Variants in CAMKMT observed in about 807,000 individuals in gnomAD.
The protein encoded by CAMKMT is CaM KMT.
CAMKMT carries 53 observed loss-of-function variants against 48.0 expected under a neutral mutation model. That is an observed-to-expected ratio of 1.10 (90% CI 0.89 to 1.39). The LOEUF is 1.39. Among genes scored for constraint, CAMKMT ranks in the 40% most tolerant of loss-of-function variants. The probability of loss-of-function intolerance (pLI) is 0.00; values close to 1 mark genes in which losing one functional copy is unlikely to be tolerated. For missense variants in CAMKMT, 428 were observed against 402.7 expected, an observed-to-expected ratio of 1.06 and a Z score of -0.54; for synonymous variants, 165 against 152.3, an observed-to-expected ratio of 1.08 and a Z score of -0.61.
At chr2:44,401,390 C>G (rs1067327) in intron 3 of CAMKMT, among the ~76,000 whole-genome samples, 86,422 of 151,654 alleles carry the variant, frequency 0.57, 25,734 homozygotes, top group Middle Eastern at 0.68. Context: ...AACTCCATCT[C>G]TACTAAAAAC....
chr2:44,644,374 A>G (rs1242561935), intron 3 of CAMKMT, among the ~76,000 whole-genome samples: 4 of 152,224 alleles, frequency 2.6e-5, no homozygotes, highest in Non-Finnish European at 1.5e-5. Context: ...ATCAACTTAT[A>G]GATGTTACTC....
rs112831452 is a variant in CAMKMT at position 44,651,913 on chromosome 2, C to T, written c.377-52370C>T. ...GCTCACAGTAGTATTGTAAATCACA[C>T]CAGATGTTTTTCTGTCATAGAAAAG... On this transcript the variant is annotated intron_variant, in intron 3 of 10. Coordinates refer to ENST00000378494, the MANE Select transcript of CAMKMT (RefSeq NM_024766.5). Among the ~76,000 whole-genome samples the T allele has an allele frequency of 2.0e-3, 309 of 152,266 alleles. 1 individual carries two copies. The Middle Eastern group carries it at 0.024, about 12-fold the overall frequency.
At chr2:44,563,540 T>G (rs1022145294) in intron 3 of CAMKMT, among the ~76,000 whole-genome samples, 3 of 146,888 alleles carry the variant, frequency 2.0e-5, no homozygotes, top group African/African-American at 7.3e-5. Flanking sequence ...TTGTTACATA[T>G]GTATACATGT....
chr2:44,474,681 A>G (rs888273790), intron 3 of CAMKMT, among the ~76,000 whole-genome samples: 1 of 152,164 alleles, frequency 6.6e-6, no homozygotes, highest in African/African-American at 2.4e-5. Flanking sequence ...AAATTCAGCA[A>G]ACAACTGTGT....
At chr2:44,593,120 G>A (rs181289820) in intron 3 of CAMKMT, among the ~76,000 whole-genome samples, 2 of 152,296 alleles carry the variant, frequency 1.3e-5, no homozygotes, top group Non-Finnish European at 2.9e-5. Context: ...TTTAAGATTT[G>A]TTAGGTGGGA....
At chr2:44,521,268 G>A (rs1159468393) in intron 3 of CAMKMT, among the ~76,000 whole-genome samples, 1 of 151,972 alleles carries the variant, frequency 6.6e-6, no homozygotes, top group Non-Finnish European at 1.5e-5. Flanking sequence ...TTATGTTGTA[G>A]GCACTATTAT....
intron 3 of CAMKMT, among the ~76,000 whole-genome samples, chr2:44,669,656 C>T (rs888709175): frequency 6.6e-6 from 1 of 151,236 alleles, no homozygotes; most frequent in Non-Finnish European, 1.5e-5. Flanking sequence ...TCTTTTTCTT[C>T]AGACAGGGTC....
intron 3 of CAMKMT, among the ~76,000 whole-genome samples, chr2:44,561,937 G>A (rs755059217): frequency 1.3e-5 from 2 of 152,208 alleles, no homozygotes; most frequent in Non-Finnish European, 2.9e-5. Flanking sequence ...CATGGACAGG[G>A]CTGGAGAATA....
chr2:44,675,376 C>G (rs929191624), intron 3 of CAMKMT, among the ~76,000 whole-genome samples: 2 of 152,082 alleles, frequency 1.3e-5, no homozygotes, highest in African/African-American at 4.8e-5. Context: ...TTGACCTGCC[C>G]CTTTGGTAGA....
chr2:44,373,002 C>A (rs1048301364), intron 2 of CAMKMT, 114 bp downstream of exon 2: 2 of 995,892 alleles, frequency 2.0e-6, no homozygotes, highest in African/African-American at 1.7e-5. Flanking sequence ...CAATCTTTTT[C>A]AGAACTTAGG....
intron 3 of CAMKMT, among the ~76,000 whole-genome samples, chr2:44,516,434 C>T (rs1416715865): frequency 6.6e-6 from 1 of 152,070 alleles, no homozygotes; most frequent in African/African-American, 2.4e-5. Context: ...AGAGGTTTGT[C>T]TTTACTGCCT....
chr2:44,391,012 A>T (rs748214135), intron 3 of CAMKMT, among the ~76,000 whole-genome samples: 1 of 152,174 alleles, frequency 6.6e-6, no homozygotes, highest in Non-Finnish European at 1.5e-5. Context: ...TGTATAGGAC[A>T]TTTCTCTTAA....
At chr2:44,664,332 C>T (rs190187417) in intron 3 of CAMKMT, among the ~76,000 whole-genome samples, 2 of 152,286 alleles carry the variant, frequency 1.3e-5, no homozygotes, top group East Asian at 3.9e-4. Flanking sequence ...TAGCATCTAA[C>T]ATTGCTTGGA....
In CAMKMT at chr2:44,445,112, A is replaced by G. The variant is rs369125142; in HGVS notation, c.376+54807A>G. 3.3e-5 allele frequency among the ~76,000 whole-genome samples: 5 copies of G among 152,334 alleles called. No homozygotes were observed. In the South Asian group the frequency reaches 1.0e-3, roughly 32 times the overall value. The stretch of plus-strand genomic sequence containing the variant: ...TTTCATGGATAAAGGTCAAGCTAAT[A>G]TTCATGGCATAAATGAGGTCCCGGG... On this transcript the variant is annotated intron_variant, in intron 3 of 10. Coordinates refer to ENST00000378494, the MANE Select transcript of CAMKMT (RefSeq NM_024766.5).
intron 3 of CAMKMT, among the ~76,000 whole-genome samples, chr2:44,484,525 GA>G (rs1419524025): frequency 1.3e-5 from 2 of 151,462 alleles, no homozygotes. Flanking sequence ...ATAACCTCAT[GA>G]AAAAAAATCA....
intron 3 of CAMKMT, among the ~76,000 whole-genome samples, chr2:44,526,757 G>T (rs948910861): frequency 3.9e-5 from 6 of 152,200 alleles, no homozygotes; most frequent in South Asian, 2.1e-4. Flanking sequence ...CTTTTCTGGA[G>T]GGTTCCCAGG....
chr2:44,476,348 A>G (rs568169187), intron 3 of CAMKMT, among the ~76,000 whole-genome samples: 1 of 152,268 alleles, frequency 6.6e-6, no homozygotes, highest in East Asian at 1.9e-4. Context: ...CTCATTATCA[A>G]TATGTGGTCC....
intron 3 of CAMKMT, chr2:44,456,516 TTAAC>T: frequency 6.5e-7 from 1 of 1,543,040 alleles, no homozygotes; most frequent in Non-Finnish European, 8.7e-7. Flanking sequence ...ATGAAAAGCT[TTAAC>T]TACAGCCAAG....
chr2:44,615,092 T>G (rs1276398654), intron 3 of CAMKMT, among the ~76,000 whole-genome samples: 3 of 151,494 alleles, frequency 2.0e-5, no homozygotes, highest in African/African-American at 7.3e-5. Context: ...ACCCGGCTAA[T>G]TTTTAAAAAT....
Sources: allele counts gnomAD v4.1 joint callset (sites outside exome capture counted in the v4.1 genomes callset), GRCh38; gene constraint gnomAD v4.1.1; transcripts MANE v1.5; gene names NCBI Gene and HGNC (gene_info 2026-07-23, HGNC 2026-07-21).